C8B: variants seen among roughly 807,000 people sequenced by gnomAD.
The protein encoded by C8B is complement component C8 beta chain.
A neutral mutation model predicts 64.6 loss-of-function variants in C8B; 67 were observed. The ratio of observed to expected loss-of-function variants is 1.04; its 90% CI spans 0.85 to 1.27. C8B has a LOEUF of 1.27. Among genes scored for constraint, C8B ranks in the 50% most tolerant of loss-of-function variants. C8B has a pLI of 0.00. For missense variants in C8B, 790 were observed against 725.2 expected (o/e 1.09, Z -1.03); for synonymous variants, 284 against 257.7 (o/e 1.10, Z -0.98).
intron 1 of C8B, among the ~76,000 whole-genome samples, chr1:56,965,203 C>G (rs1306567922): frequency 2.0e-5 from 3 of 152,186 alleles, no homozygotes; most frequent in Non-Finnish European, 4.4e-5. Context: ...GCAGGGGTTT[C>G]TCATGCACAC....
chr1:56,953,914 A>G (rs1645061696), intron 4 of C8B, among the ~76,000 whole-genome samples: 1 of 152,206 alleles, frequency 6.6e-6, no homozygotes, highest in Non-Finnish European at 1.5e-5. Context: ...TTATAAGGCA[A>G]TCCTGAGAGA....
At chr1:56,939,126 T>C (rs764742301) in intron 9 of C8B, among the ~76,000 whole-genome samples, 14 of 152,144 alleles carry the variant, frequency 9.2e-5, no homozygotes, top group Non-Finnish European at 1.8e-4. Context: ...GGGAATTCAT[T>C]TGGTTCTCAG....
intron 6 of C8B, among the ~76,000 whole-genome samples, chr1:56,948,624 G>A (rs1266521960): frequency 1.3e-5 from 2 of 152,140 alleles, no homozygotes; most frequent in Non-Finnish European, 2.9e-5. Flanking sequence ...AAGAGGGCAG[G>A]CACCCAGGGG....
intron 2 of C8B, among the ~76,000 whole-genome samples, chr1:56,957,334 A>T (rs1436360655): frequency 1.3e-5 from 2 of 152,208 alleles, no homozygotes; most frequent in Non-Finnish European, 2.9e-5. Flanking sequence ...TGATTCAAGT[A>T]TTCCCCTTTA....
At chr1:56,965,215 G>A (rs912669149) in intron 1 of C8B, among the ~76,000 whole-genome samples, 9 of 152,168 alleles carry the variant, frequency 5.9e-5, no homozygotes, top group Admixed American at 5.9e-4. Flanking sequence ...CATGCACACG[G>A]AGCATCCCCA....
chr1:56,955,746 A>G (rs976092005), intron 3 of C8B, among the ~76,000 whole-genome samples: 4 of 152,240 alleles, frequency 2.6e-5, no homozygotes, highest in Non-Finnish European at 4.4e-5. Context: ...AGAATTTTGC[A>G]TTTGCAATAA....
At position 56,954,768 on chromosome 1, in the gene C8B, C is replaced by T. The variant is rs1349119709; in HGVS notation, c.451G>A (p.Asp151Asn). Residue 151 changes from aspartate (D) to asparagine (N), a missense_variant, in exon 4 of 12, where the codon GAT becomes AAT. Coordinates refer to ENST00000371237, the MANE Select transcript of C8B (RefSeq NM_000066.4). Reference sequence around the variant, plus strand: ...TAAATCCTTCTACAGTTTGCTTCATCTGACTGGTCTCCACAGTCATTGTCC... The same window carrying T: ...TAAATCCTTCTACAGTTTGCTTCATTTGACTGGTCTCCACAGTCATTGTCC... ...NGDNDCGDQS[D>N]EANCRRIYKK... is the part of the protein sequence containing the mutation. 6.2e-7 allele frequency: 1 copy of T among 1,614,172 alleles called. No homozygotes were observed. Among genetic ancestry groups the T allele is most frequent in the South Asian group, 1.1e-5 (1 of 91,090 alleles).
intron 1 of C8B, among the ~76,000 whole-genome samples, chr1:56,965,396 A>AGTGTGTGTGTGTGT (rs762224735): frequency 1.7e-4 from 14 of 84,304 alleles, no homozygotes; most frequent in Middle Eastern, 6.3e-3. Context: ...AGAGAGAGAG[A>AGTGTGTGTGTGTGT]GAGTGTGTGT....
chr1:56,949,832 C>A, intron 5 of C8B, 80 bp from the exon 6 acceptor site: 1 of 950,976 alleles, frequency 1.1e-6, no homozygotes, highest in East Asian at 2.6e-5. Flanking sequence ...AGCCACTCTA[C>A]TCCTACCATG....
At chr1:56,949,796 A>T (rs1244614510) in intron 5 of C8B, 44 bp from the exon 6 acceptor site, 3 of 1,342,040 alleles carry the variant, frequency 2.2e-6, no homozygotes, top group Non-Finnish European at 3.1e-6. Context: ...ATTTGACTCA[A>T]ATCAGTTCAA....
intron 2 of C8B, among the ~76,000 whole-genome samples, chr1:56,958,241 C>T (rs1645129608): frequency 6.6e-6 from 1 of 152,030 alleles, no homozygotes; most frequent in Non-Finnish European, 1.5e-5. Context: ...GGGTGATTTC[C>T]AAAAGTTAGT....
intron 1 of C8B, among the ~76,000 whole-genome samples, chr1:56,964,612 T>C (rs1645225969): frequency 6.6e-6 from 1 of 152,236 alleles, no homozygotes; most frequent in African/African-American, 2.4e-5. Flanking sequence ...CTAGAAGCCT[T>C]TCCAGGCCCT....
chr1:56,962,538 A>C (rs1645193636), intron 1 of C8B, among the ~76,000 whole-genome samples: 1 of 152,186 alleles, frequency 6.6e-6, no homozygotes, highest in Non-Finnish European at 1.5e-5. Context: ...AACTGACTAA[A>C]CTTCTGTCAT....
intron 1 of C8B, among the ~76,000 whole-genome samples, chr1:56,961,318 C>T (rs1645177261): frequency 6.6e-6 from 1 of 152,202 alleles, no homozygotes; most frequent in African/African-American, 2.4e-5. Flanking sequence ...GCACCTATGA[C>T]AGACATGTCA....
intron 9 of C8B, among the ~76,000 whole-genome samples, chr1:56,934,351 A>C (rs1644746554): frequency 6.6e-6 from 1 of 152,176 alleles, no homozygotes. Context: ...TCAGAAGCAT[A>C]GAGGAAGAAT....
chr1:56,929,343 T>A lies in C8B; in HGVS notation c.*61A>T. ...GGTGGAAACTGGTGTAGGGCTGAGC[T>A]GGCATGAGTTCTTGAGGGCTCAGGG... On this transcript the variant is annotated 3_prime_UTR_variant, in exon 12 of 12. Coordinates refer to ENST00000371237, the MANE Select transcript of C8B (RefSeq NM_000066.4). 6.3e-7 allele frequency: 1 copy of A among 1,576,018 alleles called. No homozygotes were observed. Among genetic ancestry groups the A allele is most frequent in the Non-Finnish European group, 8.7e-7 (1 of 1,147,132 alleles).
In C8B at chr1:56,943,877, C is replaced by T; in HGVS notation, c.1106-53G>A. On this transcript the variant is annotated intron_variant, in intron 7 of 11. Transcript: ENST00000371237. The stretch of plus-strand genomic sequence containing the variant: ...GACGTAAAAGGTAGTTCACTCTGTC[C>T]CTTTTCCTATGATCGAGTCCAGAGG... The T allele has an allele frequency of 1.9e-6, 3 of 1,606,304 alleles. No individual in the cohort carries two copies. The African/African-American group carries it at 4.0e-5, about 21-fold the overall frequency.
At position 56,960,965 on chromosome 1, in the gene C8B, A is replaced by G. The variant is rs1440204272; in HGVS notation, c.93-789T>C. On this transcript the variant is annotated intron_variant, in intron 1 of 11. Coordinates refer to ENST00000371237, the MANE Select transcript of C8B (RefSeq NM_000066.4). ...AGGATGAGAGATTTGTGCTAGGTAC[A>G]GATCTGATCATGGAAAGCTATGGAA... Among the ~76,000 whole-genome samples the G allele has an allele frequency of 2.0e-5, 3 of 151,894 alleles. No individual in the cohort carries two copies. In the East Asian group the frequency reaches 5.8e-4, roughly 29 times the overall value.
At position 56,965,970 on chromosome 1, in the gene C8B, G is replaced by T. The variant is rs902848794; in HGVS notation, c.-22C>A. ...TCATTTTCCCAATGTGACAGGAGAT[G>T]CCACAGAGGCTGCTAGACCCATAAC... On this transcript the variant is annotated 5_prime_UTR_variant, in exon 1 of 12. Coordinates refer to ENST00000371237, the MANE Select transcript of C8B (RefSeq NM_000066.4). 4 of 1,613,308 alleles carry T rather than the reference G, an allele frequency of 2.5e-6. No individual in the cohort carries two copies. The highest frequency in any genetic ancestry group is 2.5e-6 in the Non-Finnish European group (3 of 1,180,000).
Sources: allele counts gnomAD v4.1 joint callset (sites outside exome capture counted in the v4.1 genomes callset), GRCh38; gene constraint gnomAD v4.1.1; transcripts MANE v1.5; gene names NCBI Gene and HGNC (gene_info 2026-07-23, HGNC 2026-07-21).